DPP10: variants seen among roughly 807,000 people sequenced by gnomAD.
The protein encoded by DPP10 is dipeptidyl peptidase like 10.
DPP10 carries 33 observed loss-of-function variants against 120.9 expected under a neutral mutation model. The ratio of observed to expected loss-of-function variants is 0.27; its 90% CI spans 0.21 to 0.37. The LOEUF (loss-of-function observed/expected upper bound fraction) is 0.37. Ranked by LOEUF, DPP10 falls within the 10% of genes least tolerant of loss-of-function variation. The pLI is 1.00. For synonymous variants in DPP10, 337 were observed against 326.1 expected, an observed-to-expected ratio of 1.03 and a Z score of -0.36; for missense variants, 816 against 942.8, an observed-to-expected ratio of 0.87 and a Z score of 1.76.
chr2:115,625,158 G>T (rs779927293), intron 5 of DPP10, among the ~76,000 whole-genome samples: 1 of 152,072 alleles, frequency 6.6e-6, no homozygotes, highest in Non-Finnish European at 1.5e-5. Context: ...GCAGAATGAT[G>T]ACCATACCAT....
intron 16 of DPP10, among the ~76,000 whole-genome samples, chr2:115,781,891 T>G (rs1375873355): frequency 2.0e-5 from 3 of 152,036 alleles, no homozygotes; most frequent in Non-Finnish European, 2.9e-5. Flanking sequence ...AATTAATATA[T>G]AGTTACCACC....
chr2:115,470,430 A>T (rs2074630562), intron 3 of DPP10, among the ~76,000 whole-genome samples: 1 of 152,198 alleles, frequency 6.6e-6, no homozygotes, highest in Admixed American at 6.5e-5. Flanking sequence ...AAACCTGGCC[A>T]TCAAATCATA....
intron 5 of DPP10, among the ~76,000 whole-genome samples, chr2:115,571,420 C>A (rs1299872972): frequency 6.6e-6 from 1 of 152,060 alleles, no homozygotes; most frequent in African/African-American, 2.4e-5. Flanking sequence ...TCTATTGTTG[C>A]CATTTTTAAA....
At chr2:115,424,127 A>G (rs760451736) in intron 3 of DPP10, among the ~76,000 whole-genome samples, 2 of 152,160 alleles carry the variant, frequency 1.3e-5, no homozygotes, top group Non-Finnish European at 2.9e-5. Context: ...AGACATTATG[A>G]CAAGAAATAC....
chr2:114,721,029 GC>G (rs60981742), intron 1 of DPP10, among the ~76,000 whole-genome samples: 2,679 of 152,288 alleles, frequency 0.018, 82 homozygotes, highest in African/African-American at 0.062. Flanking sequence ...TGAGGGCTAA[GC>G]CCCTGTGTAT....
chr2:115,430,802 A>G (rs2070902737), intron 3 of DPP10, among the ~76,000 whole-genome samples: 1 of 152,204 alleles, frequency 6.6e-6, no homozygotes, highest in Non-Finnish European at 1.5e-5. Flanking sequence ...ATGGTAGATG[A>G]GCAAATTGCT....
intron 9 of DPP10, 118 bp downstream of exon 9, chr2:115,740,011 C>T (rs896664962): frequency 3.3e-5 from 36 of 1,097,546 alleles, no homozygotes; most frequent in Admixed American, 1.6e-4. Context: ...GTTTTCCTTA[C>T]TTGTCAGACT....
rs537575881 is a variant in DPP10, at chr2:115,608,606, C to T, written c.442-81081C>T. On this transcript the variant is annotated intron_variant, in intron 5 of 25. Transcript: ENST00000410059. The stretch of plus-strand genomic sequence containing the variant: ...GTTCTGGTCACTCTACAGCAAGGAT[C>T]ATCATTCCTCAAACTATGTGATAAG... Among the ~76,000 whole-genome samples, 10 of 152,200 alleles carry T rather than the reference C, an allele frequency of 6.6e-5. No individual in the cohort carries two copies. In the South Asian group the frequency reaches 2.1e-3, roughly 32 times the overall value.
intron 5 of DPP10, among the ~76,000 whole-genome samples, chr2:115,681,301 A>G (rs2090634600): frequency 1.3e-5 from 2 of 152,016 alleles, no homozygotes; most frequent in African/African-American, 4.8e-5. Flanking sequence ...ATAGCTATTA[A>G]TAGGTAAATA....
At chr2:115,747,738 C>T (rs1418780971) in intron 10 of DPP10, among the ~76,000 whole-genome samples, 1 of 152,010 alleles carries the variant, frequency 6.6e-6, no homozygotes, top group African/African-American at 2.4e-5. Context: ...GGAGTACAGG[C>T]ACCTGCCACC....
intron 1 of DPP10, among the ~76,000 whole-genome samples, chr2:114,723,738 T>C (rs1012959213): frequency 6.6e-6 from 1 of 152,198 alleles, no homozygotes; most frequent in African/African-American, 2.4e-5. Context: ...GCCCTTTCCT[T>C]TGTTCAGTTC....
intron 1 of DPP10, among the ~76,000 whole-genome samples, chr2:114,976,356 C>T (rs899316125): frequency 7.9e-5 from 12 of 152,140 alleles, no homozygotes; most frequent in Admixed American, 5.9e-4. Flanking sequence ...TCAATGCATA[C>T]TGCAACTTCT....
chr2:115,300,519 A>G (rs1375635074), intron 1 of DPP10, among the ~76,000 whole-genome samples: 1 of 152,054 alleles, frequency 6.6e-6, no homozygotes, highest in African/African-American at 2.4e-5. Flanking sequence ...CCTTTTGGCT[A>G]TTGTAAATAA....
intron 1 of DPP10, chr2:115,064,810 G>A (rs1159723198): frequency 1.4e-5 from 18 of 1,304,230 alleles, no homozygotes; most frequent in South Asian, 2.5e-5. Flanking sequence ...GAAAAGGTAA[G>A]TGGATGCTAC....
At chr2:115,322,785 A>T (rs142564384) in intron 2 of DPP10, among the ~76,000 whole-genome samples, 22 of 152,302 alleles carry the variant, frequency 1.4e-4, no homozygotes, top group African/African-American at 5.1e-4. Flanking sequence ...TGCATGTAAA[A>T]GTTATGTTTA....
chr2:115,654,919 C>A (rs1486569680), intron 5 of DPP10, among the ~76,000 whole-genome samples: 1 of 151,784 alleles, frequency 6.6e-6, no homozygotes, highest in Non-Finnish European at 1.5e-5. Context: ...GTTCCCACAA[C>A]TTTGACTTTT....
chr2:115,007,456 C>T (rs1268087113), intron 1 of DPP10, among the ~76,000 whole-genome samples: 1 of 151,980 alleles, frequency 6.6e-6, no homozygotes, highest in Non-Finnish European at 1.5e-5. Flanking sequence ...CATGACAAAC[C>T]CACAGCCAAT....
At chr2:114,733,845 A>G (rs1472372602) in intron 1 of DPP10, among the ~76,000 whole-genome samples, 2 of 152,192 alleles carry the variant, frequency 1.3e-5, no homozygotes, top group Non-Finnish European at 2.9e-5. Flanking sequence ...GAAATAACTC[A>G]TCTATTAGAT....
intron 1 of DPP10, among the ~76,000 whole-genome samples, chr2:114,577,585 A>AT (rs920668736): frequency 2.7e-4 from 41 of 151,290 alleles, no homozygotes; most frequent in African/African-American, 9.2e-4. Context: ...ACATGTCTCT[A>AT]TTTTTTTTTA....
Sources: gnomAD v4.1 joint callset for allele counts (sites outside exome capture counted in the v4.1 genomes callset) on GRCh38, gnomAD v4.1.1 for gene constraint, MANE v1.5 for transcripts, NCBI Gene and HGNC (gene_info 2026-07-23, HGNC 2026-07-21) for gene names.